The following SGCZ variants were observed in gnomAD, a reference collection of about 807,000 sequenced individuals.
SGCZ encodes the protein sarcoglycan zeta.
SGCZ carries 40 observed loss-of-function variants against 41.3 expected under a neutral mutation model. The ratio of observed to expected loss-of-function variants is 0.97; its 90% CI spans 0.75 to 1.26. SGCZ has a LOEUF of 1.26. SGCZ is among the 50% of genes most tolerant of loss of function. The pLI, the probability that SGCZ is intolerant of heterozygous loss-of-function variation, is 0.00. For synonymous variants in SGCZ, 206 were observed against 137.5 expected (o/e 1.50, Z -3.49); for missense variants, 552 against 369.8 (o/e 1.49, Z -4.04).
intron 1 of SGCZ, among the ~76,000 whole-genome samples, chr8:14,601,690 A>G (rs912871871): frequency 2.6e-5 from 4 of 152,180 alleles, no homozygotes; most frequent in African/African-American, 7.2e-5. Flanking sequence ...CTTTTCCTCA[A>G]TGTGGCAGAT....
intron 2 of SGCZ, among the ~76,000 whole-genome samples, chr8:14,474,492 C>T (rs1465826394): frequency 1.3e-5 from 2 of 152,122 alleles, no homozygotes; most frequent in African/African-American, 2.4e-5. Context: ...GCACATTTTG[C>T]AGCAATAGTC....
At chr8:15,183,619 T>C (rs999620758) in intron 1 of SGCZ, among the ~76,000 whole-genome samples, 1 of 152,220 alleles carries the variant, frequency 6.6e-6, no homozygotes. Flanking sequence ...AAAGCCAAAA[T>C]GATCCTATGA....
chr8:14,624,555 A>ATTATTATT lies in SGCZ; in HGVS notation c.40-69630_40-69629insAATAATAA, dbSNP rs1438250019. 2.3e-3 allele frequency among the ~76,000 whole-genome samples: 224 copies of ATTATTATT among 96,170 alleles called. 6 individuals are homozygous for ATTATTATT. Among genetic ancestry groups the ATTATTATT allele is most frequent in the Non-Finnish European group, 3.5e-3 (177 of 50,520 alleles). 63.1% of individuals were successfully genotyped at this position (96,170 alleles called of 152,430 possible). A position where few individuals can be genotyped will look rare whatever the true frequency, so the allele number is the denominator to read the frequency against. Reference sequence around the variant, plus strand: ...ATCACTCCCCAATTTTATTATTATTATTTTTTTTTTTTTTTTTTTTTTTTT... The same window carrying ATTATTATT: ...ATCACTCCCCAATTTTATTATTATTATTATTATTTTTTTTTTTTTTTTTTTTTTTTTTT... On this transcript the variant is annotated intron_variant, in intron 1 of 7. Coordinates refer to ENST00000382080, the MANE Select transcript of SGCZ (RefSeq NM_139167.4).
chr8:14,744,910 G>C (rs1425791919), intron 1 of SGCZ, among the ~76,000 whole-genome samples: 1 of 152,008 alleles, frequency 6.6e-6, no homozygotes, highest in African/African-American at 2.4e-5. Flanking sequence ...TTATCATACT[G>C]AATTAAAACA....
chr8:14,491,303 G>A (rs917814756), intron 2 of SGCZ, among the ~76,000 whole-genome samples: 4 of 140,056 alleles, frequency 2.9e-5, no homozygotes, highest in South Asian at 2.2e-4. Context: ...ACACTCCAGT[G>A]GATCAACACA....
chr8:14,251,011 T>C (rs1799263903), intron 3 of SGCZ, among the ~76,000 whole-genome samples: 2 of 152,154 alleles, frequency 1.3e-5, no homozygotes, highest in South Asian at 4.1e-4. Flanking sequence ...AGGGATCACC[T>C]GAGGTCAGGA....
rs183584665 is a variant in SGCZ at position 14,610,512 on chromosome 8, C to G, written c.40-55586G>C. On this transcript the variant is annotated intron_variant, in intron 1 of 7. Transcript: ENST00000382080. ...CATTTATTTGGGTCTCAAGAACCCT[C>G]TTTATGAGGGCTCTTGTGTCACATA... Among the ~76,000 whole-genome samples the G allele has an allele frequency of 9.9e-5, 15 of 152,226 alleles. No individual in the cohort carries two copies. In the East Asian group the frequency reaches 2.5e-3, roughly 26 times the overall value.
At chr8:14,711,719 C>T (rs1366203771) in intron 1 of SGCZ, among the ~76,000 whole-genome samples, 1 of 151,900 alleles carries the variant, frequency 6.6e-6, no homozygotes, top group African/African-American at 2.4e-5. Flanking sequence ...TGTTAATAGT[C>T]CTTTTTTGTG....
chr8:15,111,310 C>A (rs62499773), intron 1 of SGCZ, among the ~76,000 whole-genome samples: 9,273 of 152,210 alleles, frequency 0.061, 294 homozygotes, highest in Middle Eastern at 0.12. Flanking sequence ...CTCCCTACAA[C>A]CCTCTCCCGC....
At chr8:14,610,793 T>C (rs978013541) in intron 1 of SGCZ, among the ~76,000 whole-genome samples, 1 of 152,172 alleles carries the variant, frequency 6.6e-6, no homozygotes, top group African/African-American at 2.4e-5. Context: ...ATTAATAGGA[T>C]AGTTGAGTGT....
At chr8:14,833,123 A>T (rs1484022782) in intron 1 of SGCZ, among the ~76,000 whole-genome samples, 1 of 152,176 alleles carries the variant, frequency 6.6e-6, no homozygotes, top group Non-Finnish European at 1.5e-5. Context: ...TTATGAAAAG[A>T]ACACTTTATT....
At chr8:14,258,516 T>C (rs1278153162) in intron 3 of SGCZ, among the ~76,000 whole-genome samples, 3 of 152,148 alleles carry the variant, frequency 2.0e-5, no homozygotes, top group Admixed American at 1.3e-4. Context: ...ATTAGGTTAA[T>C]AGACAAGATA....
chr8:14,222,596 A>C (rs1806236512), intron 4 of SGCZ, among the ~76,000 whole-genome samples: 1 of 152,138 alleles, frequency 6.6e-6, no homozygotes, highest in Admixed American at 6.6e-5. Context: ...TCCCACGAAG[A>C]TCAGAAAACT....
chr8:14,896,666 G>A (rs1046858146), intron 1 of SGCZ, among the ~76,000 whole-genome samples: 12 of 151,618 alleles, frequency 7.9e-5, no homozygotes, highest in East Asian at 1.9e-4. Flanking sequence ...CAGGAGAGAC[G>A]GGGTTTCACC....
chr8:14,708,653 C>G (rs535998398), intron 1 of SGCZ, among the ~76,000 whole-genome samples: 1 of 152,128 alleles, frequency 6.6e-6, no homozygotes, highest in Non-Finnish European at 1.5e-5. Context: ...AATTGACACA[C>G]CATGCAACAT....
At chr8:15,104,025 G>C (rs930486096) in intron 1 of SGCZ, among the ~76,000 whole-genome samples, 3 of 152,138 alleles carry the variant, frequency 2.0e-5, no homozygotes, top group Non-Finnish European at 2.9e-5. Context: ...GCATTTTCAT[G>C]ATTCTCCCAA....
At chr8:14,833,238 C>A (rs1009414035) in intron 1 of SGCZ, among the ~76,000 whole-genome samples, 1 of 152,020 alleles carries the variant, frequency 6.6e-6, no homozygotes, top group African/African-American at 2.4e-5. Context: ...ACAAATGACA[C>A]AGAGTAGGTT....
At chr8:14,793,037 G>T (rs1801005560) in intron 1 of SGCZ, among the ~76,000 whole-genome samples, 1 of 152,106 alleles carries the variant, frequency 6.6e-6, no homozygotes, top group Non-Finnish European at 1.5e-5. Context: ...CAATATAAAA[G>T]ATACTAAATA....
At chr8:15,190,309 A>T (rs1293910452) in intron 1 of SGCZ, among the ~76,000 whole-genome samples, 1 of 152,000 alleles carries the variant, frequency 6.6e-6, no homozygotes, top group Non-Finnish European at 1.5e-5. Flanking sequence ...ACAAATCAGG[A>T]AAGATGAAAT....
Sources: gnomAD v4.1 joint callset for allele counts (sites outside exome capture counted in the v4.1 genomes callset) on GRCh38, gnomAD v4.1.1 for gene constraint, MANE v1.5 for transcripts, NCBI Gene and HGNC (gene_info 2026-07-23, HGNC 2026-07-21) for gene names.